The following SMARCC1 variants were observed in gnomAD, a reference collection of about 807,000 sequenced individuals.
SMARCC1 encodes the protein SWI/SNF complex subunit SMARCC1.
A neutral mutation model predicts 147.4 loss-of-function variants in SMARCC1; 43 were observed. The observed-to-expected ratio is 0.29, with a 90% confidence interval of 0.23 to 0.38. The LOEUF is 0.38. Ranked by LOEUF, SMARCC1 falls within the 10% of genes least tolerant of loss-of-function variation. The pLI is 1.00. For missense variants in SMARCC1, 1,119 were observed against 1,381.1 expected (o/e 0.81, Z 3.01); for synonymous variants, 495 against 484.4 (o/e 1.02, Z -0.29).
intron 24 of SMARCC1, 38 bp from the exon 25 acceptor site, chr3:47,622,379 A>G: frequency 6.2e-7 from 1 of 1,601,320 alleles, no homozygotes; most frequent in Non-Finnish European, 8.5e-7. Context: ...TTAGGTAAAC[A>G]TTTGCTTAAA....
intron 22 of SMARCC1, 89 bp downstream of exon 22, chr3:47,638,636 C>G: frequency 3.5e-6 from 3 of 867,112 alleles, no homozygotes; most frequent in Non-Finnish European, 6.0e-6. Flanking sequence ...ATTTAGAGTC[C>G]CCTAAGAGGG....
At chr3:47,641,187 A>C (rs2033043051) in intron 21 of SMARCC1, among the ~76,000 whole-genome samples, 1 of 152,228 alleles carries the variant, frequency 6.6e-6, no homozygotes, top group Admixed American at 6.5e-5. Flanking sequence ...AACACAGTCA[A>C]TTAAGAAAAA....
At chr3:47,600,907 GCCTTAGCAAAC>G (rs1340914090) in intron 26 of SMARCC1, among the ~76,000 whole-genome samples, 1 of 150,778 alleles carries the variant, frequency 6.6e-6, no homozygotes, top group African/African-American at 2.4e-5. Context: ...ATAGGAACAG[GCCTTAGCAAAC>G]AAAGTAAAGG....
intron 5 of SMARCC1, among the ~76,000 whole-genome samples, chr3:47,731,283 C>T (rs925905588): frequency 2.0e-5 from 3 of 152,180 alleles, no homozygotes; most frequent in Non-Finnish European, 4.4e-5. Flanking sequence ...GTCATGAGAT[C>T]GCGGCAATTC....
intron 25 of SMARCC1, among the ~76,000 whole-genome samples, chr3:47,616,611 A>G (rs936098370): frequency 6.6e-6 from 1 of 151,664 alleles, no homozygotes; most frequent in Non-Finnish European, 1.5e-5. Context: ...ACGCCCAGCT[A>G]ATTTTTGTAT....
chr3:47,678,899 CAT>C (rs1371736511), intron 15 of SMARCC1, among the ~76,000 whole-genome samples: 2 of 152,198 alleles, frequency 1.3e-5, no homozygotes, highest in African/African-American at 4.8e-5. Flanking sequence ...GTATTTCACA[CAT>C]GTCATGTGGA....
chr3:47,703,123 G>A (rs1322883603), intron 10 of SMARCC1, among the ~76,000 whole-genome samples: 2 of 151,750 alleles, frequency 1.3e-5, no homozygotes, highest in African/African-American at 2.4e-5. Context: ...TAGTAGAGAC[G>A]GGGTTTCACC....
chr3:47,771,580 A>C (rs974376313), intron 2 of SMARCC1, among the ~76,000 whole-genome samples: 9 of 151,910 alleles, frequency 5.9e-5, no homozygotes, highest in African/African-American at 1.9e-4. Flanking sequence ...TATCTACTAA[A>C]AATACAAAAA....
At chr3:47,675,033 C>T (rs1254164464) in intron 18 of SMARCC1, among the ~76,000 whole-genome samples, 1 of 152,154 alleles carries the variant, frequency 6.6e-6, no homozygotes, top group Admixed American at 6.6e-5. Flanking sequence ...CCGTGTCCAG[C>T]CTGAACTCTA....
intron 2 of SMARCC1, among the ~76,000 whole-genome samples, chr3:47,766,414 A>C (rs1347008654): frequency 1.3e-5 from 2 of 151,942 alleles, no homozygotes; most frequent in Admixed American, 6.6e-5. Context: ...AAAAAAAAAA[A>C]CAAAAATTAG....
chr3:47,634,453 TA>T (rs2032941847), intron 24 of SMARCC1, among the ~76,000 whole-genome samples: 1 of 152,188 alleles, frequency 6.6e-6, no homozygotes, highest in African/African-American at 2.4e-5. Flanking sequence ...GCATCTTTAT[TA>T]AAAGATCAAA....
At chr3:47,747,480 T>TATAAAA (rs1445577700) in intron 2 of SMARCC1, among the ~76,000 whole-genome samples, 1 of 147,528 alleles carries the variant, frequency 6.8e-6, no homozygotes, top group African/African-American at 2.5e-5. Context: ...TAAATATAAA[T>TATAAAA]ATAAAAATTA....
chr3:47,752,245 C>T (rs544914400), intron 2 of SMARCC1, among the ~76,000 whole-genome samples: 1 of 152,240 alleles, frequency 6.6e-6, no homozygotes, highest in African/African-American at 2.4e-5. Flanking sequence ...CTCAGTAGCA[C>T]AATCACCCAA....
chr3:47,669,889 C>G (rs2033473197), intron 19 of SMARCC1, among the ~76,000 whole-genome samples: 1 of 152,180 alleles, frequency 6.6e-6, no homozygotes, highest in Non-Finnish European at 1.5e-5. Flanking sequence ...CCAGAGGGCA[C>G]CAGGCTCTTT....
chr3:47,708,083 CTTTTTTTTTTTTTTT>C (rs915291740), intron 9 of SMARCC1, among the ~76,000 whole-genome samples: 65 of 64,270 alleles, frequency 1.0e-3, no homozygotes, highest in African/African-American at 3.5e-3. Flanking sequence ...AATTTTTTTT[CTTTTTTTTTTTTTTT>C]TTTTTTTTTT....
chr3:47,778,208 AAC>A lies in SMARCC1; in HGVS notation c.195+3393_195+3394del, dbSNP rs893100776. Among the ~76,000 whole-genome samples the A allele has an allele frequency of 9.6e-5, 14 of 146,586 alleles. 1 individual carries two copies. Among genetic ancestry groups the A allele is most frequent in the East Asian group, 3.9e-4 (2 of 5,080 alleles). ...TCCATCTCAAAAAAAAAAAACAAAAAACAAAAAACAAAAAAAACACTGACTCC... is the reference window on the plus strand; with the variant it reads ...TCCATCTCAAAAAAAAAAAACAAAAAAAAAAACAAAAAAAACACTGACTCC... On this transcript the variant is annotated intron_variant, in intron 1 of 27. Transcript: ENST00000254480.
intron 19 of SMARCC1, among the ~76,000 whole-genome samples, chr3:47,668,359 T>C (rs928443561): frequency 6.6e-6 from 1 of 152,210 alleles, no homozygotes; most frequent in Admixed American, 6.5e-5. Context: ...GAGTAATTTC[T>C]TTTTAAAACG....
At chr3:47,743,032 C>T (rs2034526238) in intron 3 of SMARCC1, among the ~76,000 whole-genome samples, 1 of 152,086 alleles carries the variant, frequency 6.6e-6, no homozygotes, top group Non-Finnish European at 1.5e-5. Flanking sequence ...AAAGCAGAAC[C>T]ACAATGAAAT....
intron 8 of SMARCC1, 60 bp from the exon 9 acceptor site, chr3:47,710,868 A>C (rs1305788285): frequency 2.1e-6 from 3 of 1,399,462 alleles, no homozygotes; most frequent in Non-Finnish European, 2.9e-6. Flanking sequence ...AAGGTTTTAC[A>C]GTATTGAGAA....
Sources: gnomAD v4.1 joint callset for allele counts (sites outside exome capture counted in the v4.1 genomes callset) on GRCh38, gnomAD v4.1.1 for gene constraint, MANE v1.5 for transcripts, NCBI Gene and HGNC (gene_info 2026-07-23, HGNC 2026-07-21) for gene names.